ZBTB16: variants seen among roughly 807,000 people sequenced by gnomAD.
ZBTB16 encodes zinc finger and BTB domain-containing protein 16.
ZBTB16 carries 8 observed loss-of-function variants against 56.8 expected under a neutral mutation model. The observed-to-expected ratio is 0.14, with a 90% CI of 0.08 to 0.25. ZBTB16 has a LOEUF of 0.25. ZBTB16 is among the 10% of genes least tolerant of loss of function. The pLI is 1.00. For missense variants in ZBTB16, 625 were observed against 903.0 expected (o/e 0.69, Z 3.95); for synonymous variants, 363 against 368.5 (o/e 0.98, Z 0.17).
intron 2 of ZBTB16, among the ~76,000 whole-genome samples, chr11:114,150,032 A>T (rs761112330): frequency 6.6e-6 from 1 of 152,240 alleles, no homozygotes; most frequent in South Asian, 2.1e-4. Flanking sequence ...TTGCCCCCAC[A>T]GAGTGTATAG....
chr11:114,080,801 G>T (rs539190701), intron 2 of ZBTB16, among the ~76,000 whole-genome samples: 1 of 152,312 alleles, frequency 6.6e-6, no homozygotes, highest in South Asian at 2.1e-4. Flanking sequence ...ACTAGCTAAG[G>T]TTTGTTTATT....
chr11:114,113,983 A>G (rs1221544423), intron 2 of ZBTB16, among the ~76,000 whole-genome samples: 2 of 152,246 alleles, frequency 1.3e-5, no homozygotes, highest in African/African-American at 2.4e-5. Flanking sequence ...CTTCTTTTCT[A>G]TTAGAAAGCT....
intron 2 of ZBTB16, among the ~76,000 whole-genome samples, chr11:114,136,610 G>A (rs1015600366): frequency 6.6e-6 from 1 of 152,148 alleles, no homozygotes; most frequent in African/African-American, 2.4e-5. Context: ...CTGTAGATGA[G>A]TTGTGGTAGC....
At chr11:114,187,087 G>A in intron 4 of ZBTB16, 49 bp downstream of exon 4, 2 of 1,578,138 alleles carry the variant, frequency 1.3e-6, no homozygotes, top group Non-Finnish European at 1.7e-6. Context: ...AGTGTTGGTA[G>A]CACATGGACA....
intron 4 of ZBTB16, among the ~76,000 whole-genome samples, chr11:114,240,342 A>T (rs1464711022): frequency 6.6e-6 from 1 of 152,060 alleles, no homozygotes; most frequent in Non-Finnish European, 1.5e-5. Flanking sequence ...GATGGCCAGG[A>T]AGGCAGGGAG....
At chr11:114,065,147 C>T (rs1402256450) in intron 2 of ZBTB16, among the ~76,000 whole-genome samples, 2 of 152,196 alleles carry the variant, frequency 1.3e-5, no homozygotes, top group Non-Finnish European at 2.9e-5. Flanking sequence ...TCTGATCCTG[C>T]ACATGCATTT....
intron 2 of ZBTB16, among the ~76,000 whole-genome samples, chr11:114,104,712 G>A (rs559894741): frequency 3.8e-4 from 58 of 152,318 alleles, no homozygotes; most frequent in African/African-American, 1.3e-3. Context: ...CTCAGCCTGC[G>A]AAATAGGAAA....
intron 3 of ZBTB16, 65 bp downstream of exon 3, chr11:114,156,499 C>A: frequency 1.3e-6 from 2 of 1,482,498 alleles, no homozygotes; most frequent in Non-Finnish European, 1.9e-6. Context: ...GCCTTTACCC[C>A]TCCTCAGAGC....
At chr11:114,071,978 CT>C (rs1939364133) in intron 2 of ZBTB16, among the ~76,000 whole-genome samples, 1 of 152,218 alleles carries the variant, frequency 6.6e-6, no homozygotes, top group Non-Finnish European at 1.5e-5. Flanking sequence ...ATAGTAGTAC[CT>C]ACTTCATTGG....
chr11:114,179,124 G>A (rs745650885), intron 3 of ZBTB16, among the ~76,000 whole-genome samples: 6 of 152,134 alleles, frequency 3.9e-5, no homozygotes, highest in Non-Finnish European at 8.8e-5. Context: ...CCATATCCTG[G>A]ACCTATCAAT....
intron 4 of ZBTB16, among the ~76,000 whole-genome samples, chr11:114,220,927 A>T (rs890756759): frequency 6.6e-6 from 1 of 152,226 alleles, no homozygotes; most frequent in Non-Finnish European, 1.5e-5. Flanking sequence ...ACTTTCTGTC[A>T]TAAAAGTTTT....
At chr11:114,244,932 C>G (rs1251529960) in intron 5 of ZBTB16, among the ~76,000 whole-genome samples, 1 of 152,182 alleles carries the variant, frequency 6.6e-6, no homozygotes, top group Non-Finnish European at 1.5e-5. Flanking sequence ...TGAAGTCTCA[C>G]GTGGCCTTGG....
chr11:114,216,193 A>G (rs1056867699), intron 4 of ZBTB16, among the ~76,000 whole-genome samples: 41 of 152,150 alleles, frequency 2.7e-4, no homozygotes, highest in African/African-American at 7.0e-4. Context: ...CCTTGCACAC[A>G]CAGGCACCTG....
intron 4 of ZBTB16, among the ~76,000 whole-genome samples, chr11:114,240,832 A>G (rs1401121044): frequency 6.6e-6 from 1 of 152,032 alleles, no homozygotes; most frequent in Non-Finnish European, 1.5e-5. Flanking sequence ...TGAAAATCTC[A>G]CATCACTCGC....
chr11:114,096,953 C>A (rs75684087), intron 2 of ZBTB16, among the ~76,000 whole-genome samples: 4 of 151,192 alleles, frequency 2.6e-5, no homozygotes, highest in Non-Finnish European at 4.4e-5. Flanking sequence ...CACACACACC[C>A]CCTAAATAAT....
intron 4 of ZBTB16, among the ~76,000 whole-genome samples, chr11:114,199,206 G>A (rs551180693): frequency 1.9e-3 from 282 of 152,082 alleles, no homozygotes; most frequent in Middle Eastern, 3.4e-3. Flanking sequence ...CCGGGCCCCG[G>A]GACGGGGATG....
intron 2 of ZBTB16, among the ~76,000 whole-genome samples, chr11:114,065,328 C>G (rs943963230): frequency 6.6e-6 from 1 of 152,236 alleles, no homozygotes; most frequent in Non-Finnish European, 1.5e-5. Flanking sequence ...AATAACCATT[C>G]ATTGAGCTCT....
At chr11:114,098,980 C>G (rs963850082) in intron 2 of ZBTB16, among the ~76,000 whole-genome samples, 3 of 152,186 alleles carry the variant, frequency 2.0e-5, no homozygotes, top group African/African-American at 7.2e-5. Context: ...TTTCGGACAT[C>G]CTCAGCCCTG....
At chr11:114,220,597 G>C (rs993825508) in intron 4 of ZBTB16, among the ~76,000 whole-genome samples, 2 of 152,214 alleles carry the variant, frequency 1.3e-5, no homozygotes, top group South Asian at 4.1e-4. Context: ...CCAGGGCAGG[G>C]ACTGTGTCAG....
Sources: allele counts gnomAD v4.1 joint callset (sites outside exome capture counted in the v4.1 genomes callset), GRCh38; gene constraint gnomAD v4.1.1; transcripts MANE v1.5; gene names NCBI Gene and HGNC (gene_info 2026-07-23, HGNC 2026-07-21).